The following MAP3K5 variants were observed in gnomAD, a reference collection of about 807,000 sequenced individuals.
MAP3K5 encodes mitogen-activated protein kinase kinase kinase 5.
Under a neutral mutation model 158.7 loss-of-function variants are expected in MAP3K5, and 56 were observed. The observed-to-expected ratio is 0.35, with a 90% CI of 0.28 to 0.44. MAP3K5 has a LOEUF of 0.44. Ranked by LOEUF, MAP3K5 falls within the 20% of genes least tolerant of loss-of-function variation. The pLI, the probability that MAP3K5 is intolerant of heterozygous loss-of-function variation, is 1.00. For synonymous variants in MAP3K5, 579 were observed against 601.7 expected (o/e 0.96, Z 0.55); for missense variants, 1,294 against 1,674.8 (o/e 0.77, Z 3.97).
chr6:136,772,575 C>T (rs989180267), intron 1 of MAP3K5, among the ~76,000 whole-genome samples: 4 of 152,120 alleles, frequency 2.6e-5, no homozygotes, highest in African/African-American at 9.7e-5. Flanking sequence ...CCAGGGTTTA[C>T]TTCAGTAATC....
chr6:136,694,147 C>T lies in MAP3K5; in HGVS notation c.1246G>A (p.Ala416Thr). 5 of 1,611,102 alleles carry T rather than the reference C, an allele frequency of 3.1e-6. No homozygotes were observed. Among genetic ancestry groups the T allele is most frequent in the Non-Finnish European group, 3.4e-6 (4 of 1,179,056 alleles). The change falls in exon 7 of 30, where the codon GCT becomes ACT. Residue 416 changes from alanine (A) to threonine (T), a missense_variant. Around this residue, in one of 5 missense-constraint regions of MAP3K5, gnomAD observed 690 missense variants for 870.5 expected, o/e 0.79. Transcript: ENST00000359015. ...FTDTESRDHG[A>T]SWFKKAFESE... is the part of the protein sequence containing the mutation. ...TATATACTATTTACTTACCAAGAAG[C>T]TCCATGGTCTCTGCTTTCAGTGTCC...
chr6:136,586,944 C>A (rs1244119255), intron 23 of MAP3K5, among the ~76,000 whole-genome samples: 1 of 152,194 alleles, frequency 6.6e-6, no homozygotes, highest in Non-Finnish European at 1.5e-5. Flanking sequence ...ACTGGCTCTC[C>A]ATGCTCCTCA....
intron 1 of MAP3K5, among the ~76,000 whole-genome samples, chr6:136,736,464 T>C (rs557595289): frequency 4.8e-4 from 73 of 152,320 alleles, no homozygotes; most frequent in African/African-American, 1.7e-3. Flanking sequence ...CGTGTTGACA[T>C]TCCATTTAAG....
chr6:136,558,900 C>G (rs184831114), intron 28 of MAP3K5, 24 bp from the exon 29 acceptor site: 1 of 1,207,778 alleles, frequency 8.3e-7, no homozygotes, highest in Non-Finnish European at 1.2e-6. Flanking sequence ...AGAATATGCA[C>G]AAAAGATGTT....
chr6:136,759,763 T>C (rs1481062797), intron 1 of MAP3K5, among the ~76,000 whole-genome samples: 1 of 594 alleles, frequency 1.7e-3, no homozygotes, highest in Admixed American at 0.015. Context: ...AGCCCTCTAT[T>C]TTTTTTTTTT....
At chr6:136,702,844 C>A (rs957133982) in intron 3 of MAP3K5, among the ~76,000 whole-genome samples, 1 of 151,776 alleles carries the variant, frequency 6.6e-6, no homozygotes, top group South Asian at 2.1e-4. Flanking sequence ...TACAGGCATG[C>A]GCCACCACAC....
At chr6:136,752,716 G>C (rs1415655761) in intron 1 of MAP3K5, among the ~76,000 whole-genome samples, 11 of 152,072 alleles carry the variant, frequency 7.2e-5, no homozygotes. Flanking sequence ...CCAGCCTTTA[G>C]CTGGGTTCTG....
At chr6:136,777,833 A>G (rs1052251771) in intron 1 of MAP3K5, among the ~76,000 whole-genome samples, 3 of 148,980 alleles carry the variant, frequency 2.0e-5, no homozygotes, top group Non-Finnish European at 4.4e-5. Flanking sequence ...CTTGGCATTC[A>G]GGTTGACAAT....
At chr6:136,786,379 CAAA>C (rs11398691) in intron 1 of MAP3K5, among the ~76,000 whole-genome samples, 8 of 80,966 alleles carry the variant, frequency 9.9e-5, no homozygotes, top group Admixed American at 1.4e-4. Flanking sequence ...AACTCCATCT[CAAA>C]AAAAAAAAAA....
intron 11 of MAP3K5, among the ~76,000 whole-genome samples, chr6:136,643,495 G>T (rs1778090346): frequency 6.6e-6 from 1 of 152,194 alleles, no homozygotes; most frequent in Non-Finnish European, 1.5e-5. Context: ...GGAGGCTGAG[G>T]TCTTGCCTGG....
intron 1 of MAP3K5, among the ~76,000 whole-genome samples, chr6:136,753,856 G>A (rs1199200190): frequency 6.6e-6 from 1 of 152,230 alleles, no homozygotes; most frequent in East Asian, 1.9e-4. Flanking sequence ...AGCAGCGTCA[G>A]GCAGGGCTTT....
At chr6:136,591,096 C>T (rs1037664037) in intron 23 of MAP3K5, among the ~76,000 whole-genome samples, 4 of 152,168 alleles carry the variant, frequency 2.6e-5, no homozygotes, top group Non-Finnish European at 5.9e-5. Context: ...TCTTGCCTGC[C>T]GCCACGTAAG....
At chr6:136,780,805 A>G (rs1298989361) in intron 1 of MAP3K5, among the ~76,000 whole-genome samples, 1 of 152,208 alleles carries the variant, frequency 6.6e-6, no homozygotes, top group African/African-American at 2.4e-5. Context: ...AATGTTTCAT[A>G]AATTTTTTTA....
Position 136,741,262 on chromosome 6 carries a change from T to A in MAP3K5, c.449-20673A>T, listed in dbSNP as rs533008607. On this transcript the variant is annotated intron_variant, in intron 1 of 29. Transcript: ENST00000359015. Reference sequence around the variant, plus strand: ...GCTAGCACACGGAGATACTAACCATTTTGGTATTTCACTCTAAGCGTTTTC... The same window carrying A: ...GCTAGCACACGGAGATACTAACCATATTGGTATTTCACTCTAAGCGTTTTC... Among the ~76,000 whole-genome samples, 19 of 152,274 alleles carry A rather than the reference T, an allele frequency of 1.2e-4. No homozygotes were observed. The South Asian group carries it at 3.9e-3, about 32-fold the overall frequency.
chr6:136,757,246 G>C (rs1361635197), intron 1 of MAP3K5, among the ~76,000 whole-genome samples: 1 of 152,124 alleles, frequency 6.6e-6, no homozygotes, highest in Admixed American at 6.5e-5. Context: ...CTACCTCTAG[G>C]ACTTTTCAAG....
rs2076260 is a variant in MAP3K5, at chr6:136,656,430, T to C, written c.1557A>G (p.Leu519=). The C allele has an allele frequency of 0.22, 345,498 of 1,596,572 alleles. 49,900 individuals are homozygous for C. The highest frequency in any genetic ancestry group is 0.67 in the African/African-American group (49,099 of 73,816). Residue 519 remains leucine, a synonymous_variant, in exon 10 of 30, where the codon TTA becomes TTG. Coordinates refer to ENST00000359015, the MANE Select transcript of MAP3K5 (RefSeq NM_005923.4). The part of the protein sequence containing the change: ...WYLKSIVETI[L]IYKHFVKLTT... ...TCAGTTTCACAAAATGCTTATATAT[T>C]AAAATTGTCTCTACAATAGACTTGA...
chr6:136,568,857 CAA>C (rs60185973), intron 25 of MAP3K5, among the ~76,000 whole-genome samples: 242 of 45,898 alleles, frequency 5.3e-3, no homozygotes, highest in African/African-American at 0.019. Context: ...GAGTCTGTCT[CAA>C]AAAAAAAAAA....
intron 1 of MAP3K5, among the ~76,000 whole-genome samples, chr6:136,729,704 A>C (rs761540386): frequency 1.3e-5 from 2 of 152,224 alleles, no homozygotes; most frequent in Non-Finnish European, 2.9e-5. Flanking sequence ...GTTTGAGAAG[A>C]GGTATGTCAG....
At chr6:136,631,513 T>TTTTTTC (rs1353477798) in intron 14 of MAP3K5, among the ~76,000 whole-genome samples, 11 of 152,022 alleles carry the variant, frequency 7.2e-5, no homozygotes, top group Admixed American at 4.6e-4. Context: ...TGTCACTTTT[T>TTTTTTC]TTTTTCTTTT....
Sources: gnomAD v4.1 joint callset for allele counts (sites outside exome capture counted in the v4.1 genomes callset) on GRCh38, gnomAD v4.1.1 for gene constraint, gnomAD v4.1.1 regional missense constraint, MANE v1.5 for transcripts, NCBI Gene and HGNC (gene_info 2026-07-23, HGNC 2026-07-21) for gene names.